Variants in ASAP1 observed in about 807,000 individuals in gnomAD.
ASAP1 encodes arf-GAP with SH3 domain, ANK repeat and PH domain-containing protein 1.
ASAP1 carries 43 observed loss-of-function variants against 145.2 expected under a neutral mutation model. The observed-to-expected ratio is 0.30, with a 90% CI of 0.23 to 0.38. The LOEUF is 0.38. Among genes scored for constraint, ASAP1 ranks in the 10% least tolerant of loss-of-function variants. The pLI is 1.00. For synonymous variants in ASAP1, 546 were observed against 515.5 expected, an observed-to-expected ratio of 1.06 and a Z score of -0.80; for missense variants, 1,018 against 1,355.3, an observed-to-expected ratio of 0.75 and a Z score of 3.91.
chr8:130,144,136 C>T (rs1249809448), intron 13 of ASAP1, among the ~76,000 whole-genome samples: 1 of 152,188 alleles, frequency 6.6e-6, no homozygotes, highest in Non-Finnish European at 1.5e-5. Flanking sequence ...CTGTGCCCTA[C>T]AGGGACATAT....
At chr8:130,310,614 A>G (rs996675198) in intron 3 of ASAP1, among the ~76,000 whole-genome samples, 20 of 152,206 alleles carry the variant, frequency 1.3e-4, no homozygotes, top group Admixed American at 4.6e-4. Context: ...GCTGAAAAAC[A>G]TATCAGCAAT....
At chr8:130,189,727 T>C (rs1815005121) in intron 5 of ASAP1, among the ~76,000 whole-genome samples, 2 of 152,226 alleles carry the variant, frequency 1.3e-5, no homozygotes, top group South Asian at 4.1e-4. Context: ...CTGAGGAGCC[T>C]CTATACCATT....
At chr8:130,380,199 G>A (rs748763889) in intron 2 of ASAP1, among the ~76,000 whole-genome samples, 1 of 152,168 alleles carries the variant, frequency 6.6e-6, no homozygotes, top group African/African-American at 2.4e-5. Flanking sequence ...ATAAAACAGC[G>A]GCAGAAAGGA....
intron 16 of ASAP1, 89 bp downstream of exon 16, chr8:130,127,838 G>T: frequency 6.8e-7 from 1 of 1,468,516 alleles, no homozygotes; most frequent in Non-Finnish European, 9.3e-7. Flanking sequence ...GTCCATAGGG[G>T]TTAAGGTTTT....
chr8:130,179,328 T>C lies in ASAP1; in HGVS notation c.682A>G (p.Ile228Val). 6.2e-7 allele frequency: 1 copy of C among 1,605,474 alleles called. No homozygotes were observed. Among genetic ancestry groups the C allele is most frequent in the Non-Finnish European group, 8.5e-7 (1 of 1,172,162 alleles). The change falls in exon 9 of 30, where the codon ATC (isoleucine) becomes GTC (valine). Residue 228 changes from isoleucine to valine, a missense_variant. This residue lies in a region of ASAP1 where 78 missense variants were observed against 161.0 expected (regional missense o/e 0.48). Coordinates refer to ENST00000518721, the MANE Select transcript of ASAP1 (RefSeq NM_018482.4). ...MCEYLIKVNE[I>V]KTKKGVDLLQ... Reference sequence around the variant, plus strand: ...AGATCCACACCCTTTTTGGTCTTGATTTCATTAACTTTAATGAGATACTGT... The same window carrying C: ...AGATCCACACCCTTTTTGGTCTTGACTTCATTAACTTTAATGAGATACTGT...
chr8:130,257,741 GTTTC>G (rs1174746727), intron 3 of ASAP1, among the ~76,000 whole-genome samples: 8 of 149,952 alleles, frequency 5.3e-5, no homozygotes, highest in African/African-American at 1.5e-4. Flanking sequence ...TTTAAAAAAT[GTTTC>G]TTTAACACAA....
intron 24 of ASAP1, among the ~76,000 whole-genome samples, chr8:130,095,622 CTTTT>C (rs141561036): frequency 6.9e-5 from 9 of 129,964 alleles, no homozygotes; most frequent in African/African-American, 2.5e-4. Flanking sequence ...ATTCTTTTGT[CTTTT>C]TTTTTTTTTT....
intron 4 of ASAP1, among the ~76,000 whole-genome samples, chr8:130,223,459 A>G (rs1475527894): frequency 1.3e-5 from 2 of 152,226 alleles, no homozygotes; most frequent in African/African-American, 4.8e-5. Flanking sequence ...CAAAATTCAG[A>G]GCTGAAGTTC....
intron 3 of ASAP1, among the ~76,000 whole-genome samples, chr8:130,355,069 G>A (rs1212994274): frequency 6.6e-6 from 1 of 152,034 alleles, no homozygotes; most frequent in Non-Finnish European, 1.5e-5. Context: ...AGTAGAGATG[G>A]GGTTTCCCTA....
intron 3 of ASAP1, among the ~76,000 whole-genome samples, chr8:130,300,231 A>G (rs867861348): frequency 6.6e-6 from 1 of 151,526 alleles, no homozygotes; most frequent in African/African-American, 2.4e-5. Flanking sequence ...AAGGTCCCAG[A>G]ATTTCACAGT....
Position 130,115,784 on chromosome 8 carries a change from TC to T in ASAP1, c.2065-50del. ...CCATTTTAATTTAAATGCTGAAACA[TC>T]CCAATATTATACAAACACTGAGCAA... On this transcript the variant is annotated intron_variant, in intron 22 of 29. Coordinates refer to ENST00000518721, the MANE Select transcript of ASAP1 (RefSeq NM_018482.4). 5 of 1,298,102 alleles carry T rather than the reference TC, an allele frequency of 3.9e-6. No homozygotes were observed. In the South Asian group the frequency reaches 6.0e-5, roughly 16 times the overall value. The allele number at this position is 1,298,102 out of a possible 1,614,324, so 80.4% of individuals were successfully genotyped here.
chr8:130,385,475 A>G (rs1049377705), intron 2 of ASAP1, among the ~76,000 whole-genome samples: 1 of 152,214 alleles, frequency 6.6e-6, no homozygotes, highest in Non-Finnish European at 1.5e-5. Flanking sequence ...TGGGTGCTAG[A>G]GATTCCTTTC....
intron 5 of ASAP1, among the ~76,000 whole-genome samples, chr8:130,189,358 T>G (rs904128573): frequency 1.3e-5 from 2 of 152,206 alleles, no homozygotes; most frequent in African/African-American, 2.4e-5. Context: ...CATTCTATTC[T>G]CTATCTCTAT....
At chr8:130,355,350 C>T (rs943821325) in intron 3 of ASAP1, among the ~76,000 whole-genome samples, 8 of 152,116 alleles carry the variant, frequency 5.3e-5, no homozygotes, top group African/African-American at 1.2e-4. Flanking sequence ...TTTTCAGTTG[C>T]GCTCTATGTA....
At chr8:130,429,723 C>A (rs1048197689) in intron 1 of ASAP1, among the ~76,000 whole-genome samples, 6 of 152,202 alleles carry the variant, frequency 3.9e-5, no homozygotes, top group Non-Finnish European at 8.8e-5. Flanking sequence ...CTTACCCCAA[C>A]CAACTTTCAA....
chr8:130,128,597 G>C (rs963892869), intron 15 of ASAP1, among the ~76,000 whole-genome samples: 45 of 152,224 alleles, frequency 3.0e-4, no homozygotes, highest in Admixed American at 6.5e-4. Flanking sequence ...TTCATTAGCA[G>C]CCATAAAAAT....
chr8:130,075,697 G>A (rs1362860203), intron 27 of ASAP1, among the ~76,000 whole-genome samples: 6 of 152,146 alleles, frequency 3.9e-5, no homozygotes, highest in African/African-American at 1.4e-4. Flanking sequence ...GTAATAAGAA[G>A]ACTGAAATTT....
intron 4 of ASAP1, among the ~76,000 whole-genome samples, chr8:130,216,710 G>C (rs1816951179): frequency 6.6e-6 from 1 of 151,912 alleles, no homozygotes; most frequent in Admixed American, 6.6e-5. Flanking sequence ...CTCCTAAATT[G>C]ATATCCCCAG....
chr8:130,134,586 C>G (rs2097590051), intron 14 of ASAP1, among the ~76,000 whole-genome samples: 1 of 152,134 alleles, frequency 6.6e-6, no homozygotes, highest in Non-Finnish European at 1.5e-5. Flanking sequence ...CAGTGACTTA[C>G]ACAAGGTCAC....
Sources: gnomAD v4.1 joint callset for allele counts (sites outside exome capture counted in the v4.1 genomes callset) on GRCh38, gnomAD v4.1.1 for gene constraint, gnomAD v4.1.1 regional missense constraint, MANE v1.5 for transcripts, NCBI Gene and HGNC (gene_info 2026-07-23, HGNC 2026-07-21) for gene names.